Variants in ALMS1 observed in about 807,000 individuals in gnomAD.
ALMS1 encodes the protein centrosome-associated protein ALMS1.
ALMS1 carries 271 observed loss-of-function variants against 352.2 expected under a neutral mutation model. That is an observed-to-expected ratio of 0.77 (90% CI 0.70 to 0.85). The LOEUF is 0.85. Ranked by LOEUF, ALMS1 falls within the 40% of genes least tolerant of loss-of-function variation. The probability of loss-of-function intolerance (pLI) is 0.00; values close to 1 mark genes in which losing one functional copy is unlikely to be tolerated. For missense variants in ALMS1, 5,445 were observed against 4,870.7 expected, an observed-to-expected ratio of 1.12 and a Z score of -3.51; for synonymous variants, 1,865 against 1,761.2, an observed-to-expected ratio of 1.06 and a Z score of -1.48.
At chr2:73,514,922 A>G (rs752878983) in intron 10 of ALMS1, among the ~76,000 whole-genome samples, 26 of 152,058 alleles carry the variant, frequency 1.7e-4, no homozygotes, top group Non-Finnish European at 3.2e-4. Flanking sequence ...ATGCCCCAAG[A>G]GTTGGTTTTT....
At chr2:73,580,083 C>T (rs879719835) in intron 16 of ALMS1, among the ~76,000 whole-genome samples, 4 of 151,962 alleles carry the variant, frequency 2.6e-5, no homozygotes, top group Non-Finnish European at 5.9e-5. Context: ...TGTTTTCTTT[C>T]ATTTTCTATT....
In ALMS1 at chr2:73,608,456, C is replaced by T; in HGVS notation, c.12363-19C>T. 6.2e-7 allele frequency: 1 copy of T among 1,601,336 alleles called. No homozygotes were observed. Among genetic ancestry groups the T allele is most frequent in the Non-Finnish European group, 8.6e-7 (1 of 1,168,906 alleles). On this transcript the variant is annotated intron_variant, in intron 21 of 22. Transcript: ENST00000613296. ...GTAACCTCCCCGATTTCTGTCCTTT[C>T]ACTGGTGCCATTTCTAAGGATTTAT...
At chr2:73,420,163 C>G (rs1671256178) in intron 3 of ALMS1, among the ~76,000 whole-genome samples, 1 of 152,122 alleles carries the variant, frequency 6.6e-6, no homozygotes, top group East Asian at 1.9e-4. Context: ...AAAAAGGAAG[C>G]AACTTATTTT....
chr2:73,541,630 TAAAG>T (rs1674184018), intron 12 of ALMS1, among the ~76,000 whole-genome samples: 1 of 151,832 alleles, frequency 6.6e-6, no homozygotes, highest in Non-Finnish European at 1.5e-5. Flanking sequence ...GCCAGACTAA[TAAAG>T]AAGAAAAGAG....
chr2:73,432,680 TC>T (rs1275258324), intron 7 of ALMS1, among the ~76,000 whole-genome samples: 2 of 151,882 alleles, frequency 1.3e-5, no homozygotes, highest in African/African-American at 4.8e-5. Flanking sequence ...GTGGCCTGTG[TC>T]CTCATGATCT....
At chr2:73,597,283 C>T (rs62149784) in intron 16 of ALMS1, among the ~76,000 whole-genome samples, 2,947 of 152,152 alleles carry the variant, frequency 0.019, 35 homozygotes, top group Middle Eastern at 0.041. Flanking sequence ...ATCTTATATT[C>T]TGCAACCTGG....
chr2:73,450,107 CAA>C lies in ALMS1; in HGVS notation c.3582_3583del (p.Lys1197ThrfsTer12), dbSNP rs1457572871. ...AAGAGTACTTTCTACCTTCTACTCA[CAA>C]AGAGAGAAACCTGGTATTTTCTATC... is the stretch of plus-strand genomic sequence containing the variant. ...IPRVLSTFYSQREKPGIFYQQ... is the reference protein window; with the variant it reads ...IPRVLSTFYSXREKPGIFYQQ... On this transcript the variant is annotated frameshift_variant, in exon 8 of 23. Transcript: ENST00000613296. LOFTEE classifies it high-confidence loss of function. The C allele has an allele frequency of 1.2e-6, 2 of 1,614,068 alleles. No individual in the cohort carries two copies. The highest frequency in any genetic ancestry group is 1.7e-5 in the Admixed American group (1 of 60,008).
intron 12 of ALMS1, among the ~76,000 whole-genome samples, chr2:73,547,865 A>G (rs1674353807): frequency 6.6e-6 from 1 of 152,204 alleles, no homozygotes; most frequent in African/African-American, 2.4e-5. Context: ...AGATGGTAGC[A>G]TGAGTATCAC....
At chr2:73,424,971 A>T (rs1413326859) in intron 5 of ALMS1, 69 bp downstream of exon 5, 2 of 1,381,676 alleles carry the variant, frequency 1.4e-6, no homozygotes, top group Non-Finnish European at 2.0e-6. Flanking sequence ...CAAGGGAAGT[A>T]ACAATTTTAG....
At chr2:73,593,559 T>C (rs1675477911) in intron 16 of ALMS1, among the ~76,000 whole-genome samples, 1 of 152,236 alleles carries the variant, frequency 6.6e-6, no homozygotes. Context: ...ATACAATAAA[T>C]AAGTGCATTT....
At chr2:73,495,215 T>C (rs1354996771) in intron 10 of ALMS1, among the ~76,000 whole-genome samples, 2 of 152,086 alleles carry the variant, frequency 1.3e-5, no homozygotes, top group Admixed American at 6.6e-5. Context: ...AAAATCCCTC[T>C]TTTTATTGTT....
At position 73,451,942 on chromosome 2, in the gene ALMS1, C is replaced by T; in HGVS notation, c.5415C>T (p.Ser1805=). 1 of 1,613,682 alleles carries T rather than the reference C, an allele frequency of 6.2e-7. No individual in the cohort carries two copies. The highest frequency in any genetic ancestry group is 8.5e-7 in the Non-Finnish European group (1 of 1,179,866). ...GGGTATCAACAGTAACCTCTACTTC[C>T]TACTCACACAGAGAGAAGCCCATTG... ...KTGVSTVTST[S]YSHREKPIVS... Residue 1805 remains serine (S), a synonymous_variant, in exon 8 of 23, where the codon TCC becomes TCT. Transcript: ENST00000613296.
intron 10 of ALMS1, among the ~76,000 whole-genome samples, chr2:73,501,512 C>T (rs746373951): frequency 5.3e-5 from 8 of 152,020 alleles, no homozygotes; most frequent in African/African-American, 7.2e-5. Context: ...AGTTGAGGAT[C>T]ATTTTCTTTC....
chr2:73,410,589 A>T (rs1043135525), intron 2 of ALMS1, among the ~76,000 whole-genome samples: 2 of 152,200 alleles, frequency 1.3e-5, no homozygotes, highest in African/African-American at 4.8e-5. Context: ...TTTTGGTTGA[A>T]GTATATGAAG....
At chr2:73,414,944 T>A (rs6546831) in intron 2 of ALMS1, among the ~76,000 whole-genome samples, 132,398 of 152,106 alleles carry the variant, frequency 0.87, 57,705 homozygotes, top group Admixed American at 0.92. Flanking sequence ...CAATTCCAGG[T>A]TGGATTACTT....
In ALMS1 at chr2:73,572,353, T is replaced by G. The variant is rs1433521854; in HGVS notation, c.10476T>G (p.Ser3492Arg). ...FYIHHPVHLP[S>R]DQDICHESLG... ...TTCATCATCCCGTACACCTACCAAG[T>G]GATCAAGATATTTGCCATGAATCTT... Residue 3492 changes from serine to arginine, a missense_variant, in exon 16 of 23, where the codon AGT (serine) becomes AGG (arginine). By Grantham distance (110) the Ser-to-Arg change is moderately radical. Coordinates refer to ENST00000613296, the MANE Select transcript of ALMS1 (RefSeq NM_001378454.1). 1.9e-6 allele frequency: 3 copies of G among 1,608,108 alleles called. No homozygotes were observed. In the African/African-American group the frequency reaches 4.0e-5, roughly 22 times the overall value.
At position 73,408,721 on chromosome 2, in the gene ALMS1, G is replaced by A; in HGVS notation, c.424G>A (p.Ala142Thr). 6.2e-7 allele frequency: 1 copy of A among 1,613,024 alleles called. No individual in the cohort carries two copies. Reference sequence around the variant, plus strand: ...TAATGTGGTCTGTTTGGAAACAACAGCTCAGCGGGGTTCTGGGGATGATCA... The same window carrying A: ...TAATGTGGTCTGTTTGGAAACAACAACTCAGCGGGGTTCTGGGGATGATCA... ...DTNVVCLETTAQRGSGDDQKT... is the reference protein window; with the variant it reads ...DTNVVCLETTTQRGSGDDQKT... The change falls in exon 2 of 23, where the codon GCT becomes ACT. Residue 142 changes from alanine to threonine, a missense_variant. By Grantham distance (58) the Ala-to-Thr change is moderately conservative. Transcript: ENST00000613296.
At chr2:73,419,003 GATGAGAATGTC>G (rs1299213651) in intron 2 of ALMS1, 109 bp from the exon 3 acceptor site, 1 of 836,464 alleles carries the variant, frequency 1.2e-6, no homozygotes, top group Admixed American at 2.2e-5. Context: ...TCTATACTTT[GATGAGAATGTC>G]ATTAAATAGG....
At chr2:73,404,954 C>G (rs1387204726) in intron 1 of ALMS1, among the ~76,000 whole-genome samples, 1 of 116,948 alleles carries the variant, frequency 8.6e-6, no homozygotes, top group Non-Finnish European at 1.6e-5. Context: ...CTTTGTCACC[C>G]AGGCTGGAGT....
Sources: gnomAD v4.1 joint callset for allele counts (sites outside exome capture counted in the v4.1 genomes callset) on GRCh38, gnomAD v4.1.1 for gene constraint, MANE v1.5 for transcripts, NCBI Gene and HGNC (gene_info 2026-07-23, HGNC 2026-07-21) for gene names.